The following TMC3 variants were observed in gnomAD, a reference collection of about 807,000 sequenced individuals.
TMC3 encodes the protein transmembrane channel-like protein 3.
Under a neutral mutation model 110.6 loss-of-function variants are expected in TMC3, and 98 were observed. The observed-to-expected ratio is 0.89, with a 90% CI of 0.75 to 1.05. The LOEUF (loss-of-function observed/expected upper bound fraction) is 1.05. Among genes scored for constraint, TMC3 ranks in the 50% least tolerant of loss-of-function variants. TMC3 has a pLI of 0.00. For synonymous variants in TMC3, 489 were observed against 513.1 expected (o/e 0.95, Z 0.63); for missense variants, 1,319 against 1,373.2 (o/e 0.96, Z 0.62).
intron 19 of TMC3, 71 bp downstream of exon 19, chr15:81,337,775 T>G: frequency 7.5e-7 from 1 of 1,339,204 alleles, no homozygotes; most frequent in Non-Finnish European, 1.1e-6. Flanking sequence ...TCACTTGTAT[T>G]CCCACGCTGG....
At chr15:81,346,479 A>G (rs1367792733) in intron 11 of TMC3, 36 bp from the exon 12 acceptor site, 4 of 1,601,524 alleles carry the variant, frequency 2.5e-6, no homozygotes, top group East Asian at 2.2e-5. Context: ...AAACAAGACC[A>G]TGGCATAGAA....
At chr15:81,363,790 G>A (rs1457050645) in intron 3 of TMC3, among the ~76,000 whole-genome samples, 2 of 152,106 alleles carry the variant, frequency 1.3e-5, no homozygotes, top group Non-Finnish European at 2.9e-5. Context: ...TTGTCTCCTA[G>A]GGCATAGAGA....
rs367802734 is a variant in TMC3, at chr15:81,343,915, A to C, written c.1647+2T>G. ...TCCCAACAGACACAGCATTTTACTT[A>C]CAAACTTGCTCTCCAGATCCCAACA... On this transcript the variant is annotated splice_donor_variant, in intron 14 of 21. Coordinates refer to ENST00000359440, the MANE Select transcript of TMC3 (RefSeq NM_001080532.3). LOFTEE classifies it high-confidence loss of function. 6.2e-7 allele frequency: 1 copy of C among 1,611,432 alleles called. No homozygotes were observed. Among genetic ancestry groups the C allele is most frequent in the Non-Finnish European group, 8.5e-7 (1 of 1,178,438 alleles).
chr15:81,332,162 T>A lies in TMC3; in HGVS notation c.*257A>T, dbSNP rs1197201104. On this transcript the variant is annotated 3_prime_UTR_variant, in exon 22 of 22. Transcript: ENST00000359440. ...TCTTCCGAGGAGGCAAGTATTGAGA[T>A]TGCTGCAGACCCGTGATGATTCACT... The A allele has an allele frequency of 7.2e-6, 3 of 418,520 alleles. 1 individual carries two copies. The highest frequency in any genetic ancestry group is 4.2e-6 in the Non-Finnish European group (1 of 236,802). 25.9% of individuals were successfully genotyped at this position (418,520 alleles called of 1,614,324 possible). A position where few individuals can be genotyped will look rare whatever the true frequency, so the allele number is the denominator to read the frequency against.
In TMC3 at chr15:81,345,064, G is replaced by A. The variant is rs996743686; in HGVS notation, c.1273-53C>T. 8.4e-5 allele frequency: 129 copies of A among 1,535,184 alleles called. No homozygotes were observed. The African/African-American group carries it at 1.1e-3, about 13-fold the overall frequency. ...GAAGCAGGGGAGAAAGGAAAATGGC[G>A]GTCCACATATTTGTAAATGAGAATC... On this transcript the variant is annotated intron_variant, in intron 12 of 21. Transcript: ENST00000359440.
At chr15:81,373,752 G>T (rs1050826476) in intron 1 of TMC3, among the ~76,000 whole-genome samples, 12 of 152,188 alleles carry the variant, frequency 7.9e-5, no homozygotes, top group African/African-American at 2.9e-4. Flanking sequence ...AGGTTGGGAT[G>T]CAAGCTTTTG....
At position 81,332,402 on chromosome 15, in the gene TMC3, G is replaced by C. The variant is rs373125488; in HGVS notation, c.*17C>G. The C allele has an allele frequency of 6.3e-6, 10 of 1,580,064 alleles. No individual in the cohort carries two copies. The highest frequency in any genetic ancestry group is 1.3e-5 in the African/African-American group (1 of 74,414). ...CAACAGGGGCCTGACCTCTAGGAAC[G>C]GGACACTGGAGGAAGCCTAGACATC... On this transcript the variant is annotated 3_prime_UTR_variant, in exon 22 of 22. Transcript: ENST00000359440.
chr15:81,334,754 C>A lies in TMC3; in HGVS notation c.2425G>T (p.Val809Phe), dbSNP rs1192525870. The change falls in exon 21 of 22, where the codon GTC becomes TTC. Residue 809 changes from valine to phenylalanine, a missense_variant. Val to Phe is a conservative substitution (Grantham distance 50). Coordinates refer to ENST00000359440, the MANE Select transcript of TMC3 (RefSeq NM_001080532.3). ...DRAPSSPLPG[V>F]PKSRLEHETN... ...TCATGCTCTAGCCTGGATTTGGGGACCCCAGGGAGAGGTGAGCTAGGAGCC... is the reference window on the plus strand; with the variant it reads ...TCATGCTCTAGCCTGGATTTGGGGAACCCAGGGAGAGGTGAGCTAGGAGCC... 13 of 1,613,948 alleles carry A rather than the reference C, an allele frequency of 8.1e-6. No homozygotes were observed. Among genetic ancestry groups the A allele is most frequent in the Non-Finnish European group, 1.0e-5 (12 of 1,179,876 alleles).
Position 81,333,118 on chromosome 15 carries a change from A to G in TMC3, c.2604T>C (p.Arg868=), listed in dbSNP as rs1893510248. ...KDFQQINPPH[R]GPQASTLLAQ... ...CCAGCAAAGTCGAGGCCTGTGGTCC[A>G]CGGTGAGGAGGGTTGATTTGCTGAA... Residue 868 remains arginine, a synonymous_variant, in exon 22 of 22, where the codon CGT becomes CGC. Coordinates refer to ENST00000359440, the MANE Select transcript of TMC3 (RefSeq NM_001080532.3). 1.9e-6 allele frequency: 3 copies of G among 1,613,950 alleles called. No individual in the cohort carries two copies. The highest frequency in any genetic ancestry group is 1.3e-5 in the African/African-American group (1 of 74,944).
rs59510909 is a variant in TMC3, at chr15:81,351,334, G to GTC, written c.1083+358_1083+359dup. Reference sequence around the variant, plus strand: ...ACAGAGAGGCAGGCTACTTTTCTGTGTCTCTCTCTCTCTCTTTTTTTTTTT... The same window carrying GTC: ...ACAGAGAGGCAGGCTACTTTTCTGTGTCTCTCTCTCTCTCTCTTTTTTTTTTT... On this transcript the variant is annotated intron_variant, in intron 10 of 21. Coordinates refer to ENST00000359440, the MANE Select transcript of TMC3 (RefSeq NM_001080532.3). Among the ~76,000 whole-genome samples, 176 of 140,902 alleles carry GTC rather than the reference G, an allele frequency of 1.2e-3. 2 individuals are homozygous for GTC. Among genetic ancestry groups the GTC allele is most frequent in the Admixed American group, 4.7e-3 (65 of 13,886 alleles). The allele number at this position is 140,902 out of a possible 152,430, so 92.4% of individuals were successfully genotyped here. A position where few individuals can be genotyped will look rare whatever the true frequency, so the allele number is the denominator to read the frequency against.
chr15:81,364,010 T>G (rs945775534), intron 3 of TMC3, among the ~76,000 whole-genome samples: 1 of 152,218 alleles, frequency 6.6e-6, no homozygotes, highest in Non-Finnish European at 1.5e-5. Flanking sequence ...CTGGGGAAGT[T>G]ATTTTATTTC....
rs1894200688 is a variant in TMC3 at position 81,362,172 on chromosome 15, G to T, written c.394+48C>A. On this transcript the variant is annotated intron_variant, in intron 4 of 21. Transcript: ENST00000359440. ...GCAGACTCTCCTTAGGCTGTGACTG[G>T]CCACTAGCATTGCATTCCTGCCCCA... is the stretch of plus-strand genomic sequence containing the variant. The T allele has an allele frequency of 1.3e-5, 19 of 1,497,698 alleles. 1 individual carries two copies. The East Asian group carries it at 4.6e-4, about 36-fold the overall frequency. The allele number at this position is 1,497,698 out of a possible 1,614,324, so 92.8% of individuals were successfully genotyped here.
chr15:81,361,047 A>C (rs1296714149), intron 4 of TMC3, among the ~76,000 whole-genome samples: 1 of 151,730 alleles, frequency 6.6e-6, no homozygotes, highest in Non-Finnish European at 1.5e-5. Context: ...GTACATATTA[A>C]AACTTTTTAA....
intron 7 of TMC3, among the ~76,000 whole-genome samples, chr15:81,357,338 T>G (rs983723021): frequency 6.6e-6 from 1 of 151,936 alleles, no homozygotes; most frequent in Non-Finnish European, 1.5e-5. Flanking sequence ...CTATCTGCAT[T>G]TTGCTAACAT....
At chr15:81,351,912 C>T in intron 9 of TMC3, 71 bp from the exon 10 acceptor site, 3 of 1,546,674 alleles carry the variant, frequency 1.9e-6, no homozygotes. Context: ...AAAGACAACA[C>T]TACTTGGGGA....
chr15:81,371,484 C>G (rs950427064), intron 2 of TMC3, among the ~76,000 whole-genome samples: 1 of 152,160 alleles, frequency 6.6e-6, no homozygotes, highest in Non-Finnish European at 1.5e-5. Flanking sequence ...GTGGTTCTGT[C>G]CACACTGCAG....
At chr15:81,346,259 T>A in intron 12 of TMC3, 106 bp downstream of exon 12, 1 of 1,011,522 alleles carries the variant, frequency 9.9e-7, no homozygotes. Flanking sequence ...GATTATGGAG[T>A]ACAAGTATAA....
At chr15:81,372,844 C>G (rs576762594) in intron 1 of TMC3, 107 bp from the exon 2 acceptor site, 2 of 1,151,366 alleles carry the variant, frequency 1.7e-6, no homozygotes, top group East Asian at 2.6e-5. Context: ...CTAGGGTCAT[C>G]TGTATGAAAT....
intron 2 of TMC3, among the ~76,000 whole-genome samples, chr15:81,372,284 C>A (rs1894450251): frequency 2.0e-5 from 3 of 151,552 alleles, no homozygotes; most frequent in Non-Finnish European, 2.9e-5. Context: ...TCTCCACCAA[C>A]ACACACACCC....
Sources: allele counts gnomAD v4.1 joint callset (sites outside exome capture counted in the v4.1 genomes callset), GRCh38; gene constraint gnomAD v4.1.1; transcripts MANE v1.5; gene names NCBI Gene and HGNC (gene_info 2026-07-23, HGNC 2026-07-21).